The following C9 variants were observed in gnomAD, a reference collection of about 807,000 sequenced individuals.
C9 encodes the protein complement component C9.
In C9, 63 loss-of-function variants were observed where a neutral mutation model predicts 65.4. The observed-to-expected ratio is 0.96, with a 90% CI of 0.79 to 1.19. The LOEUF (loss-of-function observed/expected upper bound fraction) is 1.19. Ranked by LOEUF, C9 falls within the 50% of genes most tolerant of loss-of-function variation. C9 has a pLI of 0.00. For synonymous variants in C9, 229 were observed against 227.9 expected, an observed-to-expected ratio of 1.00 and a Z score of -0.04; for missense variants, 744 against 670.1, an observed-to-expected ratio of 1.11 and a Z score of -1.22.
chr5:39,299,628 T>C (rs988895209), intron 9 of C9, among the ~76,000 whole-genome samples: 1 of 152,120 alleles, frequency 6.6e-6, no homozygotes, highest in Admixed American at 6.6e-5. Context: ...TACATTTATA[T>C]GGCAGTAAAT....
chr5:39,286,008 A>G (rs1262168774), intron 10 of C9, among the ~76,000 whole-genome samples: 1 of 152,110 alleles, frequency 6.6e-6, no homozygotes, highest in Non-Finnish European at 1.5e-5. Flanking sequence ...AAAATGTCTA[A>G]TGTCTCAGCA....
intron 9 of C9, among the ~76,000 whole-genome samples, chr5:39,296,368 A>G (rs1753186427): frequency 6.6e-6 from 1 of 151,346 alleles, no homozygotes; most frequent in African/African-American, 2.4e-5. Flanking sequence ...TGATCTGAAG[A>G]GCCATTTTGC....
intron 1 of C9, among the ~76,000 whole-genome samples, chr5:39,342,685 C>A (rs1240516752): frequency 2.0e-5 from 3 of 152,240 alleles, no homozygotes; most frequent in African/African-American, 7.2e-5. Context: ...GTAGCGGGCA[C>A]CTCATAAATC....
intron 9 of C9, among the ~76,000 whole-genome samples, chr5:39,293,924 C>T (rs1042030331): frequency 6.6e-6 from 1 of 151,968 alleles, no homozygotes; most frequent in African/African-American, 2.4e-5. Flanking sequence ...TGTACAAATA[C>T]ATGGAAATTA....
Position 39,315,998 on chromosome 5 carries a change from T to A in C9, c.647A>T (p.His216Leu). 6.2e-7 allele frequency: 1 copy of A among 1,612,604 alleles called. No homozygotes were observed. Among genetic ancestry groups the A allele is most frequent in the South Asian group, 1.1e-5 (1 of 90,842 alleles). ...AAATGCTTCAATTTGTTCTTCGTAATGTTCGGTTCTGAAATTTTTCTCGCC... is the reference window on the plus strand; with the variant it reads ...AAATGCTTCAATTTGTTCTTCGTAAAGTTCGGTTCTGAAATTTTTCTCGCC... The part of the protein sequence containing the change: ...TKGEKNFRTE[H>L]YEEQIEAFKS... The change falls in exon 6 of 11, where the codon CAT (histidine) becomes CTT (leucine). Residue 216 changes from histidine (H) to leucine (L), a missense_variant. Transcript: ENST00000263408.
chr5:39,292,937 A>G (rs537123076), intron 9 of C9, among the ~76,000 whole-genome samples: 11 of 150,480 alleles, frequency 7.3e-5, no homozygotes, highest in Admixed American at 2.7e-4. Context: ...ATCATATAAC[A>G]TACTGAATAA....
chr5:39,308,778 C>T (rs1753425330), intron 7 of C9, among the ~76,000 whole-genome samples: 2 of 152,142 alleles, frequency 1.3e-5, no homozygotes, highest in South Asian at 2.1e-4. Context: ...TCCATATTGT[C>T]CTCATTGTAC....
intron 5 of C9, among the ~76,000 whole-genome samples, chr5:39,324,086 C>T (rs1033391482): frequency 1.3e-5 from 2 of 152,010 alleles, no homozygotes; most frequent in Non-Finnish European, 2.9e-5. Context: ...AAGAATAAAA[C>T]ACTTAGGAAT....
intron 9 of C9, among the ~76,000 whole-genome samples, chr5:39,295,042 G>A (rs916102675): frequency 2.0e-5 from 3 of 151,612 alleles, no homozygotes; most frequent in African/African-American, 7.3e-5. Flanking sequence ...CGATAAATTA[G>A]GTATAGAATA....
At chr5:39,349,026 T>C (rs999807787) in intron 1 of C9, among the ~76,000 whole-genome samples, 1 of 23,094 alleles carries the variant, frequency 4.3e-5, no homozygotes. Context: ...TGTTGTGGGG[T>C]GGGGGGGAGG....
chr5:39,293,519 T>C lies in C9; in HGVS notation c.1417-4568A>G, dbSNP rs190419578. Among the ~76,000 whole-genome samples the C allele has an allele frequency of 6.7e-4, 102 of 152,084 alleles. 1 individual carries two copies. The highest frequency in any genetic ancestry group is 2.4e-3 in the African/African-American group (98 of 41,526). On this transcript the variant is annotated intron_variant, in intron 9 of 10. Transcript: ENST00000263408. ...TCAATTCAGCAAGAAAATATAACAA[T>C]TTTAAATATATATGCAACCAACACT...
At chr5:39,341,992 C>T (rs538509876) in intron 2 of C9, 99 bp downstream of exon 2, 9 of 806,474 alleles carry the variant, frequency 1.1e-5, no homozygotes, top group South Asian at 1.1e-4. Flanking sequence ...GTTTGGAACT[C>T]AGTTGTGGGG....
chr5:39,322,701 C>T (rs773778591), intron 5 of C9, among the ~76,000 whole-genome samples: 7 of 152,056 alleles, frequency 4.6e-5, no homozygotes, highest in African/African-American at 2.4e-5. Flanking sequence ...TGGATTCAAC[C>T]ATCATTGGAT....
chr5:39,287,986 T>G (rs1261015083), intron 10 of C9, among the ~76,000 whole-genome samples: 1 of 151,898 alleles, frequency 6.6e-6, no homozygotes, highest in Non-Finnish European at 1.5e-5. Flanking sequence ...ATAAAAATAT[T>G]TTTAATGTAA....
rs145809574 is a variant in C9 at position 39,342,176 on chromosome 5, T to C, written c.98A>G (p.Glu33Gly). The change falls in exon 2 of 11, where the codon GAA (glutamate) becomes GGA (glycine). Residue 33 changes from glutamate to glycine, a missense_variant. Coordinates refer to ENST00000263408, the MANE Select transcript of C9 (RefSeq NM_001737.5). ...YTTSYDPELT[E>G]SSGSASHIDC... ...TATGTGTGATGCAGAGCCACTGCTT[T>C]CTGTTAGCTCTGGGTCATAACTAAG... is the stretch of plus-strand genomic sequence containing the variant. 6.3e-7 allele frequency: 1 copy of C among 1,597,096 alleles called. No individual in the cohort carries two copies. The highest frequency in any genetic ancestry group is 1.1e-5 in the South Asian group (1 of 90,750).
At chr5:39,297,652 T>A (rs1374075380) in intron 9 of C9, among the ~76,000 whole-genome samples, 1 of 151,668 alleles carries the variant, frequency 6.6e-6, no homozygotes, top group African/African-American at 2.4e-5. Flanking sequence ...AAGTTTTCAA[T>A]ATACAAAGAA....
chr5:39,334,917 CTCTG>C (rs1385739982), intron 4 of C9, among the ~76,000 whole-genome samples: 1 of 151,450 alleles, frequency 6.6e-6, no homozygotes, highest in Non-Finnish European at 1.5e-5. Flanking sequence ...CAGATGGTTG[CTCTG>C]TCTGTGTAGA....
At chr5:39,357,475 A>G (rs62358370) in intron 1 of C9, among the ~76,000 whole-genome samples, 4,390 of 152,340 alleles carry the variant, frequency 0.029, 76 homozygotes, top group Non-Finnish European at 0.044. Flanking sequence ...GAACTGGTAC[A>G]TGTCGGAAAT....
At position 39,306,034 on chromosome 5, in the gene C9, G is replaced by A. The variant is rs200495304; in HGVS notation, c.1416+583C>T. 6.6e-5 allele frequency among the ~76,000 whole-genome samples: 10 copies of A among 151,886 alleles called. No homozygotes were observed. In the East Asian group the frequency reaches 1.4e-3, roughly 21 times the overall value. On this transcript the variant is annotated intron_variant, in intron 9 of 10. Transcript: ENST00000263408. Reference sequence around the variant, plus strand: ...GAAAATTAGCTCGATGTGGTGGTGCGCATCTGTAATCCCAGCTACTGAGGA... The same window carrying A: ...GAAAATTAGCTCGATGTGGTGGTGCACATCTGTAATCCCAGCTACTGAGGA...
Sources: allele counts gnomAD v4.1 joint callset (sites outside exome capture counted in the v4.1 genomes callset), GRCh38; gene constraint gnomAD v4.1.1; transcripts MANE v1.5; gene names NCBI Gene and HGNC (gene_info 2026-07-23, HGNC 2026-07-21).